Variants in ADAR observed in about 807,000 individuals in gnomAD.
The protein encoded by ADAR is double-stranded RNA-specific adenosine deaminase.
ADAR carries 41 observed loss-of-function variants against 113.2 expected under a neutral mutation model. The observed-to-expected ratio is 0.36, with a 90% CI of 0.28 to 0.47. The LOEUF (loss-of-function observed/expected upper bound fraction) is 0.47. Among genes scored for constraint, ADAR ranks in the 20% least tolerant of loss-of-function variants. The pLI, the probability that ADAR is intolerant of heterozygous loss-of-function variation, is 1.00. For synonymous variants in ADAR, 605 were observed against 572.6 expected, an observed-to-expected ratio of 1.06 and a Z score of -0.81; for missense variants, 1,242 against 1,540.9, an observed-to-expected ratio of 0.81 and a Z score of 3.25.
intron 1 of ADAR, among the ~76,000 whole-genome samples, chr1:154,605,436 A>ATTTTTTTTTTTT (rs35160350): frequency 6.8e-6 from 1 of 146,970 alleles, no homozygotes; most frequent in Non-Finnish European, 1.5e-5. Context: ...GAGCTACTGG[A>ATTTTTTTTTTTT]TTTTTTTTTT....
At chr1:154,587,877 T>C (rs1377299815) in intron 11 of ADAR, among the ~76,000 whole-genome samples, 2 of 152,212 alleles carry the variant, frequency 1.3e-5, no homozygotes, top group Non-Finnish European at 2.9e-5. Context: ...CTCCCTCCTC[T>C]GAGCTCCACA....
chr1:154,588,401 G>A (rs1696905685), intron 10 of ADAR, 143 bp from the exon 11 acceptor site: 1 of 1,481,750 alleles, frequency 6.7e-7, no homozygotes, highest in Admixed American at 1.7e-5. Flanking sequence ...CAGTACATGT[G>A]AGTCATCTAC....
chr1:154,627,992 ACAT>A, upstream of ADAR: 1 of 510,128 alleles, frequency 2.0e-6, no homozygotes, highest in Non-Finnish European at 3.9e-6. Flanking sequence ...CAGATTGGTG[ACAT>A]CATTGGCGCG....
chr1:154,587,163 G>A (rs1265967136), intron 11 of ADAR, among the ~76,000 whole-genome samples: 1 of 152,032 alleles, frequency 6.6e-6, no homozygotes, highest in African/African-American at 2.4e-5. Context: ...TCCCACTCCT[G>A]GCCCTGGCAA....
chr1:154,592,950 AC>A (rs1557874512), intron 6 of ADAR, among the ~76,000 whole-genome samples: 3 of 152,020 alleles, frequency 2.0e-5, no homozygotes, highest in African/African-American at 7.3e-5. Flanking sequence ...AGCCTGGCCA[AC>A]ATGGTGAAAC....
At chr1:154,594,873 T>C (rs1278658194) in intron 6 of ADAR, among the ~76,000 whole-genome samples, 1 of 152,226 alleles carries the variant, frequency 6.6e-6, no homozygotes, top group African/African-American at 2.4e-5. Context: ...AAACAGAAGA[T>C]ATACTTGTTT....
intron 1 of ADAR, among the ~76,000 whole-genome samples, chr1:154,627,131 G>A (rs1021237620): frequency 9.2e-5 from 14 of 152,180 alleles, no homozygotes; most frequent in African/African-American, 3.4e-4. Flanking sequence ...CCAATGACAG[G>A]TATCCCTTTT....
rs569555134 is a variant in ADAR at position 154,582,895 on chromosome 1, G to T, written c.*1911C>A. 6.6e-6 allele frequency: 1 copy of T among 152,258 alleles called. No individual in the cohort carries two copies. The highest frequency in any genetic ancestry group is 2.1e-4 in the South Asian group (1 of 4,832). The allele number at this position is 152,258 out of a possible 1,614,324, so 9.4% of individuals were successfully genotyped here. A position where few individuals can be genotyped will look rare whatever the true frequency, so the allele number is the denominator to read the frequency against. On this transcript the variant is annotated 3_prime_UTR_variant, in exon 15 of 15. Coordinates refer to ENST00000368474, the MANE Select transcript of ADAR (RefSeq NM_001111.5). ...CAGGCCTCTTCCACTCCAGGAGACA[G>T]GCGCCACTTCCCTACCAGTTCCTTG... is the stretch of plus-strand genomic sequence containing the variant.
rs2131902 is a variant in ADAR at position 154,587,122 on chromosome 1, T to C, written c.3020-759A>G. On this transcript the variant is annotated intron_variant, in intron 11 of 14. Transcript: ENST00000368474. ...GCTCCAAAAAGAAACCTTCTACCCATTGGCGCAGTCACTCCTCATCTCTCC... is the reference window on the plus strand; with the variant it reads ...GCTCCAAAAAGAAACCTTCTACCCACTGGCGCAGTCACTCCTCATCTCTCC... 0.38 allele frequency among the ~76,000 whole-genome samples: 58,464 copies of C among 151,928 alleles called. 12,664 individuals carry two copies. Among genetic ancestry groups the C allele is most frequent in the African/African-American group, 0.6 (24,732 of 41,418 alleles).
At chr1:154,624,478 A>G (rs1368052317) in intron 1 of ADAR, among the ~76,000 whole-genome samples, 3 of 152,188 alleles carry the variant, frequency 2.0e-5, no homozygotes. Flanking sequence ...TGGGTTATAT[A>G]AATTTTGTAT....
chr1:154,612,713 A>G (rs1698522616), upstream of ADAR, among the ~76,000 whole-genome samples: 1 of 152,086 alleles, frequency 6.6e-6, no homozygotes, highest in African/African-American at 2.4e-5. Flanking sequence ...GCTAGGCACA[A>G]ATTTATTGCC....
chr1:154,584,360 T>C lies in ADAR; in HGVS notation c.*446A>G. The C allele has an allele frequency of 6.1e-6, 1 of 162,742 alleles. No individual in the cohort carries two copies. The highest frequency in any genetic ancestry group is 1.4e-5 in the Non-Finnish European group (1 of 73,994). 10.1% of individuals were successfully genotyped at this position (162,742 alleles called of 1,614,324 possible). A position where few individuals can be genotyped will look rare whatever the true frequency, so the allele number is the denominator to read the frequency against. On this transcript the variant is annotated 3_prime_UTR_variant, in exon 15 of 15. Transcript: ENST00000368474. ...AATCTCAGAAGGGAAAGAGGGGAAG[T>C]AGAGGGGTCTGCGTAATCCACAAAT...
intron 6 of ADAR, among the ~76,000 whole-genome samples, chr1:154,590,630 C>T (rs1697081301): frequency 6.6e-6 from 1 of 152,000 alleles, no homozygotes; most frequent in South Asian, 2.1e-4. Flanking sequence ...TAATATTTTT[C>T]TCTAAATTGA....
In ADAR at chr1:154,590,066, C is replaced by T. The variant is rs1200682132; in HGVS notation, c.2496+118G>A. 9 of 1,486,744 alleles carry T rather than the reference C, an allele frequency of 6.1e-6. No homozygotes were observed. In the East Asian group the frequency reaches 2.1e-4, roughly 34 times the overall value. The allele number at this position is 1,486,744 out of a possible 1,614,324, so 92.1% of individuals were successfully genotyped here. Reference sequence around the variant, plus strand: ...TACATCTAGTGTCCCAGTTACTGCTCTCTCGAGGCTAAGAGTAAAGCCTAG... The same window carrying T: ...TACATCTAGTGTCCCAGTTACTGCTTTCTCGAGGCTAAGAGTAAAGCCTAG... On this transcript the variant is annotated intron_variant, in intron 7 of 14. Coordinates refer to ENST00000368474, the MANE Select transcript of ADAR (RefSeq NM_001111.5).
intron 11 of ADAR, among the ~76,000 whole-genome samples, chr1:154,587,920 T>C (rs1202364740): frequency 6.6e-6 from 1 of 152,136 alleles, no homozygotes; most frequent in Non-Finnish European, 1.5e-5. Flanking sequence ...GACTTGGGGA[T>C]CTCCCAGATC....
chr1:154,607,872 G>GAC lies in ADAR; in HGVS notation c.15+118_15+119dup, dbSNP rs71586026. On this transcript the variant is annotated intron_variant, in intron 1 of 14. Coordinates refer to ENST00000368474, the MANE Select transcript of ADAR (RefSeq NM_001111.5). ...AACCAGCAATGCTGCTTGGCAAGAC[G>GAC]ACACACACACACACACTCTAACACT... 187,166 of 1,245,258 alleles carry GAC rather than the reference G, an allele frequency of 0.15. 18,461 individuals are homozygous for GAC. The highest frequency in any genetic ancestry group is 0.24 in the East Asian group (9,039 of 38,436). 77.1% of individuals were successfully genotyped at this position (1,245,258 alleles called of 1,614,324 possible).
chr1:154,590,243 C>A lies in ADAR; in HGVS notation c.2437G>T (p.Ala813Ser). Residue 813 changes from alanine (A) to serine (S), a missense_variant, in exon 7 of 15, where the codon GCC (alanine) becomes TCC (serine). By Grantham distance (99) the Ala-to-Ser change is moderately conservative. This residue lies in a region of ADAR where 780 missense variants were observed against 1,057.9 expected (regional missense o/e 0.74). Coordinates refer to ENST00000368474, the MANE Select transcript of ADAR (RefSeq NM_001111.5). ...GFTEVTPVTG[A>S]SLRRTMLLLS... Reference sequence around the variant, plus strand: ...AGGAGCATAGTTCTTCTGAGACTGGCCCCTGTCACTGGGGTTACCTCTGTG... The same window carrying A: ...AGGAGCATAGTTCTTCTGAGACTGGACCCTGTCACTGGGGTTACCTCTGTG... 1 of 1,610,360 alleles carries A rather than the reference C, an allele frequency of 6.2e-7. No homozygotes were observed. Among genetic ancestry groups the A allele is most frequent in the Non-Finnish European group, 8.5e-7 (1 of 1,178,170 alleles).
chr1:154,603,830 G>T (rs185238902), intron 1 of ADAR, among the ~76,000 whole-genome samples: 1 of 152,266 alleles, frequency 6.6e-6, no homozygotes, highest in East Asian at 1.9e-4. Context: ...TCTCCTGGAG[G>T]CTGCACAGGT....
At chr1:154,597,381 C>A in intron 4 of ADAR, 114 bp from the exon 5 acceptor site, 1 of 1,271,534 alleles carries the variant, frequency 7.9e-7, no homozygotes, top group East Asian at 2.5e-5. Flanking sequence ...AACACATCAC[C>A]TCTGTGCAGT....
Sources: allele counts gnomAD v4.1 joint callset (sites outside exome capture counted in the v4.1 genomes callset), GRCh38; gene constraint gnomAD v4.1.1; regional missense constraint gnomAD v4.1.1; transcripts MANE v1.5; gene names NCBI Gene and HGNC (gene_info 2026-07-23, HGNC 2026-07-21).